Variants in TMTC4 observed in about 807,000 individuals in gnomAD.
TMTC4 encodes the protein protein O-mannosyl-transferase TMTC4.
A neutral mutation model predicts 86.0 loss-of-function variants in TMTC4; 65 were observed. The observed-to-expected ratio is 0.76, with a 90% CI of 0.62 to 0.93. The LOEUF (loss-of-function observed/expected upper bound fraction) is 0.93. Ranked by LOEUF, TMTC4 falls within the 40% of genes least tolerant of loss-of-function variation. The pLI is 0.00. For missense variants in TMTC4, 866 were observed against 948.1 expected (o/e 0.91, Z 1.14); for synonymous variants, 379 against 382.5 (o/e 0.99, Z 0.11).
chr13:100,666,373 G>T (rs1294066048), intron 3 of TMTC4, among the ~76,000 whole-genome samples: 1 of 152,142 alleles, frequency 6.6e-6, no homozygotes, highest in Non-Finnish European at 1.5e-5. Flanking sequence ...GGGAGGGCTA[G>T]CAAGTTAACA....
At chr13:100,647,490 T>G (rs540487225) in intron 6 of TMTC4, among the ~76,000 whole-genome samples, 1 of 152,302 alleles carries the variant, frequency 6.6e-6, no homozygotes, top group East Asian at 1.9e-4. Context: ...AGAATTTGTG[T>G]TGGTACTTCT....
rs1876407590 is a variant in TMTC4, at chr13:100,605,268, C to T, written c.2135-126G>A. On this transcript the variant is annotated intron_variant, in intron 18 of 18. Transcript: ENST00000342624. The surrounding 1 kb of genome is among the most constrained non-coding windows in gnomAD (Gnocchi z 4.3). ...GTTTTCAAAAGTCAATTGTATGAAA[C>T]AATATTGTTTGTACTGAAAACTCTA... 4 of 1,139,870 alleles carry T rather than the reference C, an allele frequency of 3.5e-6. No homozygotes were observed. Among genetic ancestry groups the T allele is most frequent in the Middle Eastern group, 2.8e-4 (1 of 3,522 alleles). The allele number at this position is 1,139,870 out of a possible 1,614,324, so 70.6% of individuals were successfully genotyped here.
intron 6 of TMTC4, among the ~76,000 whole-genome samples, chr13:100,649,202 A>G (rs948418423): frequency 2.0e-5 from 3 of 152,240 alleles, no homozygotes; most frequent in South Asian, 2.1e-4. Flanking sequence ...TCTGGAGGTG[A>G]ACAAAAAAGG....
At chr13:100,623,984 C>A in intron 15 of TMTC4, 2 of 373,046 alleles carry the variant, frequency 5.4e-6, no homozygotes, top group South Asian at 4.6e-5. Flanking sequence ...TCCTTGCAGT[C>A]ATCATGACCT....
intron 7 of TMTC4, among the ~76,000 whole-genome samples, chr13:100,641,741 C>A (rs1883045899): frequency 6.6e-6 from 1 of 152,182 alleles, no homozygotes; most frequent in South Asian, 2.1e-4. Context: ...CCCGCCTTGG[C>A]CTCCCAAAGT....
rs550673876 is a variant in TMTC4 at position 100,607,702 on chromosome 13, G to A, written c.2065-1275C>T. Among the ~76,000 whole-genome samples the A allele has an allele frequency of 7.9e-5, 12 of 152,186 alleles. No individual in the cohort carries two copies. In the East Asian group the frequency reaches 2.3e-3, roughly 29 times the overall value. On this transcript the variant is annotated intron_variant, in intron 17 of 18. Transcript: ENST00000342624. ...GTTCCTTTGCCCTGTATGGCCTGTG[G>A]TACCCCTGAGAAATTGGCTGAGAAT...
At chr13:100,624,086 G>C (rs1432416064) in intron 15 of TMTC4, 1 of 196,068 alleles carries the variant, frequency 5.1e-6, no homozygotes, top group Admixed American at 6.0e-5. Context: ...CAGCACTTTC[G>C]GAGGCTGAGG....
chr13:100,631,410 T>C (rs1186091847), intron 12 of TMTC4, among the ~76,000 whole-genome samples: 2 of 152,240 alleles, frequency 1.3e-5, no homozygotes, highest in Non-Finnish European at 2.9e-5. Context: ...TCTGTTTCAT[T>C]GTTAAAAGAA....
Position 100,662,959 on chromosome 13 carries a change from C to CT in TMTC4, c.552+4dup, listed in dbSNP as rs1310561103. The CT allele has an allele frequency of 6.2e-7, 1 of 1,613,324 alleles. No individual in the cohort carries two copies. The highest frequency in any genetic ancestry group is 8.5e-7 in the Non-Finnish European group (1 of 1,179,970). On this transcript the variant is annotated splice_donor_region_variant and intron_variant, in intron 5 of 18. Transcript: ENST00000342624. Reference sequence around the variant, plus strand: ...ATACAGATGCCTCGGGCAGACGACACTTACACACTCGGTGTGCACAGGATG... The same window carrying CT: ...ATACAGATGCCTCGGGCAGACGACACTTTACACACTCGGTGTGCACAGGATG...
chr13:100,605,291 C>CT lies in TMTC4; in HGVS notation c.2135-150dup. 1 of 962,880 alleles carries CT rather than the reference C, an allele frequency of 1.0e-6. No individual in the cohort carries two copies. The highest frequency in any genetic ancestry group is 1.8e-5 in the South Asian group (1 of 56,352). The allele number at this position is 962,880 out of a possible 1,614,324, so 59.6% of individuals were successfully genotyped here. A position where few individuals can be genotyped will look rare whatever the true frequency, so the allele number is the denominator to read the frequency against. On this transcript the variant is annotated intron_variant, in intron 18 of 18. Transcript: ENST00000342624. This position sits in a 1 kb window ranked among gnomAD's most constrained non-coding sequence, Gnocchi z 4.3. ...AACAATATTGTTTGTACTGAAAACT[C>CT]TATTTATTGTAATCACACTCCCTGA...
At chr13:100,656,657 T>C (rs1885162850) in intron 5 of TMTC4, among the ~76,000 whole-genome samples, 189 bp from the exon 6 acceptor site, 1 of 149,336 alleles carries the variant, frequency 6.7e-6, no homozygotes, top group East Asian at 2.0e-4. Context: ...AATTCTCCCA[T>C]CTCAGCCTCC....
intron 6 of TMTC4, among the ~76,000 whole-genome samples, chr13:100,648,562 C>A (rs895333363): frequency 2.0e-5 from 3 of 152,284 alleles, no homozygotes; most frequent in Middle Eastern, 3.4e-3. Context: ...ACATAATGTG[C>A]ACATTGCTAT....
At chr13:100,617,283 T>C (rs1878657426) in intron 15 of TMTC4, among the ~76,000 whole-genome samples, 1 of 152,150 alleles carries the variant, frequency 6.6e-6, no homozygotes, top group Non-Finnish European at 1.5e-5. Context: ...TACAGGCACA[T>C]ACCACGATGC....
intron 3 of TMTC4, among the ~76,000 whole-genome samples, chr13:100,666,524 G>A (rs1352627892): frequency 3.3e-5 from 5 of 152,178 alleles, no homozygotes; most frequent in South Asian, 2.1e-4. Flanking sequence ...AACACGGCTC[G>A]TGTTTTTCTT....
chr13:100,614,839 A>G (rs948067255), intron 15 of TMTC4: 5 of 836,244 alleles, frequency 6.0e-6, no homozygotes, highest in African/African-American at 3.7e-5. Context: ...CTTTTTCACT[A>G]AAGACTTCAT....
chr13:100,634,831 G>C lies in TMTC4; in HGVS notation c.1480C>G (p.Leu494Val), dbSNP rs201260883. 2 of 1,614,144 alleles carry C rather than the reference G, an allele frequency of 1.2e-6. No individual in the cohort carries two copies. Among genetic ancestry groups the C allele is most frequent in the Non-Finnish European group, 8.5e-7 (1 of 1,180,020 alleles). The change falls in exon 12 of 19, where the codon CTG (leucine) becomes GTG (valine). Residue 494 changes from leucine (L) to valine (V), a missense_variant. Physicochemically the swap from Leu to Val is conservative, Grantham distance 32. Transcript: ENST00000342624. ...TTAGCATTGAGGGGACACACAGACA[G>C]AGCACTTCTGAAAAGCTGTTCCTCA... is the stretch of plus-strand genomic sequence containing the variant. ...RSEEQLFRSA[L>V]SVCPLNAKVH...
intron 6 of TMTC4, among the ~76,000 whole-genome samples, chr13:100,652,654 CA>C (rs1884606163): frequency 6.6e-6 from 1 of 151,992 alleles, no homozygotes; most frequent in Non-Finnish European, 1.5e-5. Context: ...GTAAGTAGAA[CA>C]AAGGCCATGG....
At chr13:100,625,353 CTAA>C (rs1880303540) in intron 15 of TMTC4, 179 bp downstream of exon 15, 2 of 817,878 alleles carry the variant, frequency 2.4e-6, no homozygotes, top group Non-Finnish European at 3.8e-6. Flanking sequence ...GTACTGCTCT[CTAA>C]TGAGAGCTTT....
Position 100,637,530 on chromosome 13 carries a change from G to A in TMTC4, c.999+8C>T, listed in dbSNP as rs1474064308. 1 of 1,610,430 alleles carries A rather than the reference G, an allele frequency of 6.2e-7. No individual in the cohort carries two copies. Among genetic ancestry groups the A allele is most frequent in the Admixed American group, 1.7e-5 (1 of 59,840 alleles). On this transcript the variant is annotated splice_region_variant and intron_variant, in intron 9 of 18. Transcript: ENST00000342624. ...AAGAGTCCAGGGGGCGGCAGGCTCA[G>A]AACTCACCCTCACCAGCATGCTGTC...
Sources: allele counts gnomAD v4.1 joint callset (sites outside exome capture counted in the v4.1 genomes callset), GRCh38; gene constraint gnomAD v4.1.1; non-coding constraint Gnocchi (gnomAD v3.1); transcripts MANE v1.5; gene names NCBI Gene and HGNC (gene_info 2026-07-23, HGNC 2026-07-21).